USP31: variants seen among roughly 807,000 people sequenced by gnomAD.
USP31 encodes ubiquitin specific peptidase 31.
A neutral mutation model predicts 119.4 loss-of-function variants in USP31; 44 were observed. The observed-to-expected ratio is 0.37, with a 90% CI of 0.29 to 0.47. The LOEUF is 0.47. USP31 is among the 20% of genes least tolerant of loss of function. The pLI, the probability that USP31 is intolerant of heterozygous loss-of-function variation, is 0.99. For missense variants in USP31, 1,643 were observed against 1,730.2 expected (o/e 0.95, Z 0.89); for synonymous variants, 749 against 705.6 (o/e 1.06, Z -0.97).
chr16:23,115,003 T>C (rs1014833165), intron 1 of USP31, among the ~76,000 whole-genome samples: 4 of 151,926 alleles, frequency 2.6e-5, no homozygotes, highest in Non-Finnish European at 5.9e-5. Flanking sequence ...GAGTCAAGAA[T>C]CCTAAGCTCA....
chr16:23,068,094 T>A lies in USP31; in HGVS notation c.4011A>T (p.Leu1337Phe), dbSNP rs761580875. The stretch of plus-strand genomic sequence containing the variant: ...GTGCAGAGGTTTGCATGCTAGAAGA[T>A]AACTTTTTTGAGGATTTCTCTGCAG... ...RQSAEKSSKKLSSSMQTSARP... is the reference protein window; with the variant it reads ...RQSAEKSSKKFSSSMQTSARP... The change falls in exon 16 of 16, where the codon TTA (leucine) becomes TTT (phenylalanine). Residue 1337 changes from leucine to phenylalanine, a missense_variant. Physicochemically the swap from Leu to Phe is conservative, Grantham distance 22 (BLOSUM62 0). Transcript: ENST00000219689. 4 of 1,614,186 alleles carry A rather than the reference T, an allele frequency of 2.5e-6. No homozygotes were observed. The highest frequency in any genetic ancestry group is 2.5e-6 in the Non-Finnish European group (3 of 1,180,036).
chr16:23,090,016 A>T (rs1488419591), intron 7 of USP31, among the ~76,000 whole-genome samples: 1 of 152,230 alleles, frequency 6.6e-6, no homozygotes, highest in Non-Finnish European at 1.5e-5. Context: ...AGCTGTCAGG[A>T]AAGTAGCTGG....
At chr16:23,078,081 A>C (rs1288631863) in intron 13 of USP31, among the ~76,000 whole-genome samples, 1 of 152,144 alleles carries the variant, frequency 6.6e-6, no homozygotes, top group East Asian at 1.9e-4. Flanking sequence ...TGGGAGGCCA[A>C]GGAGGGCAGA....
intron 11 of USP31, 86 bp from the exon 12 acceptor site, chr16:23,082,643 T>C: frequency 6.4e-7 from 1 of 1,567,790 alleles, no homozygotes; most frequent in Non-Finnish European, 8.7e-7. Flanking sequence ...CAGGGCATGG[T>C]GCAACTCAAA....
In USP31 at chr16:23,073,801, G is replaced by C. The variant is rs759042891; in HGVS notation, c.2256C>G (p.Val752=). Residue 752 remains valine, a synonymous_variant, in exon 14 of 16, where the codon GTC becomes GTG. Transcript: ENST00000219689. ...SDVQQLSEDE[V]CTQTAYILFY... Reference sequence around the variant, plus strand: ...AGAGGATGTATGCTGTCTGCGTGCAGACCTCATCTTCTGACAGCTGCTGCA... The same window carrying C: ...AGAGGATGTATGCTGTCTGCGTGCACACCTCATCTTCTGACAGCTGCTGCA... 4 of 1,614,172 alleles carry C rather than the reference G, an allele frequency of 2.5e-6. No individual in the cohort carries two copies. The highest frequency in any genetic ancestry group is 3.4e-6 in the Non-Finnish European group (4 of 1,180,032).
rs190356251 is a variant in USP31 at position 23,102,685 on chromosome 16, A to G, written c.1090-222T>C. ...ACCCCTCCATATCTGTGGGTGCTAC[A>G]TCTGTGGATTCAACCAACTGCAGAT... is the stretch of plus-strand genomic sequence containing the variant. On this transcript the variant is annotated intron_variant, in intron 5 of 15. Transcript: ENST00000219689. Among the ~76,000 whole-genome samples the G allele has an allele frequency of 1.9e-4, 29 of 152,294 alleles. No individual in the cohort carries two copies. The East Asian group carries it at 5.0e-3, about 26-fold the overall frequency.
At chr16:23,136,151 A>G (rs1249386329) in intron 1 of USP31, among the ~76,000 whole-genome samples, 1 of 152,234 alleles carries the variant, frequency 6.6e-6, no homozygotes, top group Admixed American at 6.5e-5. Context: ...GGACAGCCAC[A>G]TGCAAAAGAA....
At chr16:23,107,977 A>T in intron 2 of USP31, 69 bp downstream of exon 2, 2 of 1,513,652 alleles carry the variant, frequency 1.3e-6, no homozygotes, top group Non-Finnish European at 1.8e-6. Flanking sequence ...CAATGCAACA[A>T]GTCCTCAGTA....
intron 1 of USP31, among the ~76,000 whole-genome samples, chr16:23,134,072 GTCTCTC>G (rs760529003): frequency 1.4e-5 from 2 of 140,154 alleles, no homozygotes; most frequent in Non-Finnish European, 3.1e-5. Context: ...GTGAGACCCT[GTCTCTC>G]TCTCTCTCTC....
At chr16:23,133,830 C>T (rs1903102622) in intron 1 of USP31, among the ~76,000 whole-genome samples, 1 of 152,192 alleles carries the variant, frequency 6.6e-6, no homozygotes, top group Non-Finnish European at 1.5e-5. Context: ...AATCTCAGCG[C>T]TTTGGGAGGA....
At chr16:23,124,160 A>C (rs1325883241) in intron 1 of USP31, among the ~76,000 whole-genome samples, 1 of 152,168 alleles carries the variant, frequency 6.6e-6, no homozygotes, top group Non-Finnish European at 1.5e-5. Flanking sequence ...GAACCACTCA[A>C]TAGGGCCTAT....
At chr16:23,093,503 G>C (rs149075197) in intron 6 of USP31, among the ~76,000 whole-genome samples, 160 of 152,314 alleles carry the variant, frequency 1.1e-3, no homozygotes, top group Non-Finnish European at 2.0e-3. Context: ...CATTCACCAG[G>C]ATGGCTAAAA....
intron 1 of USP31, 35 bp downstream of exon 1, chr16:23,148,603 G>C: frequency 7.0e-7 from 1 of 1,428,590 alleles, no homozygotes; most frequent in Non-Finnish European, 9.1e-7. Flanking sequence ...CAGGGGCTCG[G>C]GGTGCAGTGG....
In USP31 at chr16:23,085,578, TACTC is replaced by T; in HGVS notation, c.1700+3_1700+6del. The T allele has an allele frequency of 6.2e-7, 1 of 1,610,914 alleles. No homozygotes were observed. ...TTTCTATAAACACTAACTTTAAAAA[TACTC>T]ACAAATCTCTTGTCTCCTTGTCCCA... On this transcript the variant is annotated splice_donor_5th_base_variant and intron_variant, in intron 10 of 15. Coordinates refer to ENST00000219689, the MANE Select transcript of USP31 (RefSeq NM_020718.4).
chr16:23,099,211 TG>T (rs1901744738), intron 6 of USP31, among the ~76,000 whole-genome samples: 1 of 151,964 alleles, frequency 6.6e-6, no homozygotes, highest in Admixed American at 6.6e-5. Flanking sequence ...AAAAAACACA[TG>T]AAAAAATGCT....
chr16:23,066,628 A>G lies in USP31; in HGVS notation c.*1418T>C, dbSNP rs1422571822. 1.3e-5 allele frequency: 2 copies of G among 152,172 alleles called. No individual in the cohort carries two copies. Among genetic ancestry groups the G allele is most frequent in the East Asian group, 3.8e-4 (2 of 5,196 alleles). 9.4% of individuals were successfully genotyped at this position (152,172 alleles called of 1,614,324 possible). On this transcript the variant is annotated 3_prime_UTR_variant, in exon 16 of 16. Coordinates refer to ENST00000219689, the MANE Select transcript of USP31 (RefSeq NM_020718.4). ...TGGCAAAGTGACAAATGCTATTCAG[A>G]GAGAATCAAGACCTTCACTCTCTTG...
At chr16:23,122,474 C>G (rs1315662870) in intron 1 of USP31, among the ~76,000 whole-genome samples, 2 of 152,100 alleles carry the variant, frequency 1.3e-5, no homozygotes, top group Non-Finnish European at 2.9e-5. Context: ...ACCCGAGGAA[C>G]AAAAACATAT....
At chr16:23,120,613 G>A (rs777251265) in intron 1 of USP31, among the ~76,000 whole-genome samples, 3 of 152,216 alleles carry the variant, frequency 2.0e-5, no homozygotes, top group Non-Finnish European at 4.4e-5. Flanking sequence ...GGCTTGCCAG[G>A]TGGTGGGAGA....
intron 1 of USP31, among the ~76,000 whole-genome samples, chr16:23,140,695 G>T (rs1903329533): frequency 6.6e-6 from 1 of 152,090 alleles, no homozygotes; most frequent in African/African-American, 2.4e-5. Flanking sequence ...TCCTTACCCA[G>T]CTGCCTACTA....
Sources: allele counts gnomAD v4.1 joint callset (sites outside exome capture counted in the v4.1 genomes callset), GRCh38; gene constraint gnomAD v4.1.1; transcripts MANE v1.5; gene names NCBI Gene and HGNC (gene_info 2026-07-23, HGNC 2026-07-21).